The following C8orf34 variants were observed in gnomAD, a reference collection of about 807,000 sequenced individuals.
C8orf34 encodes uncharacterized protein C8orf34.
Under a neutral mutation model 68.3 loss-of-function variants are expected in C8orf34, and 65 were observed. The observed-to-expected ratio is 0.95, with a 90% CI of 0.78 to 1.17. The LOEUF is 1.17. C8orf34 is among the 50% of genes most tolerant of loss of function. The pLI is 0.00. For synonymous variants in C8orf34, 244 were observed against 241.2 expected, an observed-to-expected ratio of 1.01 and a Z score of -0.11; for missense variants, 664 against 655.4, an observed-to-expected ratio of 1.01 and a Z score of -0.14.
chr8:68,650,532 T>A (rs1230242923), intron 8 of C8orf34, among the ~76,000 whole-genome samples: 3 of 140,710 alleles, frequency 2.1e-5, no homozygotes, highest in Admixed American at 1.5e-4. Context: ...CAGGCTGGAG[T>A]GCAGTGGCAG....
At chr8:68,704,430 G>A (rs1272144630) in intron 8 of C8orf34, among the ~76,000 whole-genome samples, 1 of 152,092 alleles carries the variant, frequency 6.6e-6, no homozygotes, top group African/African-American at 2.4e-5. Flanking sequence ...GGAGTTTATG[G>A]AGTATAAAAT....
Position 68,731,584 on chromosome 8 carries a change from G to A in C8orf34, c.1404+10147G>A, listed in dbSNP as rs1001276331. Reference sequence around the variant, plus strand: ...TTCTTTAATTTACATTATATCATAAGCATATTCTTTTTTCCCACTATGGTT... The same window carrying A: ...TTCTTTAATTTACATTATATCATAAACATATTCTTTTTTCCCACTATGGTT... On this transcript the variant is annotated intron_variant, in intron 10 of 13. Transcript: ENST00000518698. Among the ~76,000 whole-genome samples, 2 of 151,792 alleles carry A rather than the reference G, an allele frequency of 1.3e-5. 1 individual carries two copies. The highest frequency in any genetic ancestry group is 2.9e-5 in the Non-Finnish European group (2 of 67,978).
At chr8:68,703,284 T>G (rs1186039114) in intron 8 of C8orf34, among the ~76,000 whole-genome samples, 1 of 152,154 alleles carries the variant, frequency 6.6e-6, no homozygotes, top group Non-Finnish European at 1.5e-5. Flanking sequence ...ACACAAACCT[T>G]GGAACAGAAT....
intron 9 of C8orf34, among the ~76,000 whole-genome samples, chr8:68,710,968 C>A (rs1821314493): frequency 6.6e-6 from 1 of 152,172 alleles, no homozygotes; most frequent in Non-Finnish European, 1.5e-5. Flanking sequence ...AGCTGCAAGA[C>A]CTGAAGACTG....
At chr8:68,694,583 G>T (rs2130916221) in intron 8 of C8orf34, among the ~76,000 whole-genome samples, 1 of 152,026 alleles carries the variant, frequency 6.6e-6, no homozygotes, top group East Asian at 1.9e-4. Context: ...GTCACAATAA[G>T]AAAATGTTGA....
At chr8:68,388,630 C>A (rs1010845693) in intron 1 of C8orf34, among the ~76,000 whole-genome samples, 1 of 151,830 alleles carries the variant, frequency 6.6e-6, no homozygotes, top group Non-Finnish European at 1.5e-5. Context: ...GAGAAATGAA[C>A]AAGTGGATAT....
intron 1 of C8orf34, among the ~76,000 whole-genome samples, chr8:68,372,204 T>A (rs1807590192): frequency 6.6e-6 from 1 of 152,162 alleles, no homozygotes; most frequent in Non-Finnish European, 1.5e-5. Flanking sequence ...AAACCACATT[T>A]GGTAGTTCAA....
intron 7 of C8orf34, among the ~76,000 whole-genome samples, chr8:68,557,413 TACA>T: frequency 6.6e-6 from 1 of 152,236 alleles, no homozygotes; most frequent in Non-Finnish European, 1.5e-5. Context: ...AATAAACTCT[TACA>T]AATTGCTTCC....
intron 10 of C8orf34, among the ~76,000 whole-genome samples, chr8:68,759,168 C>G (rs1390160333): frequency 6.6e-6 from 1 of 152,032 alleles, no homozygotes; most frequent in Non-Finnish European, 1.5e-5. Context: ...ACATGTATAT[C>G]CAAGTCACAT....
intron 10 of C8orf34, among the ~76,000 whole-genome samples, chr8:68,773,873 C>T (rs1428949485): frequency 6.6e-6 from 1 of 152,084 alleles, no homozygotes; most frequent in Non-Finnish European, 1.5e-5. Context: ...TGTCAAGAAG[C>T]TTGCTTTATT....
At chr8:68,700,442 CT>C (rs1820979285) in intron 8 of C8orf34, among the ~76,000 whole-genome samples, 1 of 152,074 alleles carries the variant, frequency 6.6e-6, no homozygotes, top group Admixed American at 6.6e-5. Context: ...TGCTGAAGAA[CT>C]GGGACTTGGG....
At chr8:68,537,992 C>T (rs188973252) in intron 7 of C8orf34, among the ~76,000 whole-genome samples, 8 of 152,120 alleles carry the variant, frequency 5.3e-5, no homozygotes, top group South Asian at 2.1e-4. Context: ...GTAGAATAAA[C>T]GTCAATAGTT....
At chr8:68,575,240 AATTAT>A (rs1258073620) in intron 7 of C8orf34, among the ~76,000 whole-genome samples, 9 of 152,106 alleles carry the variant, frequency 5.9e-5, no homozygotes, top group African/African-American at 2.2e-4. Flanking sequence ...ATTCTGGGTG[AATTAT>A]ATTAAAACGC....
intron 12 of C8orf34, among the ~76,000 whole-genome samples, chr8:68,788,723 G>A (rs1188492826): frequency 6.6e-6 from 1 of 152,086 alleles, no homozygotes; most frequent in African/African-American, 2.4e-5. Flanking sequence ...GCTGGCCATG[G>A]TGGTGCTCAC....
chr8:68,415,458 C>T (rs1809625374), intron 1 of C8orf34, among the ~76,000 whole-genome samples: 1 of 151,196 alleles, frequency 6.6e-6, no homozygotes, highest in Non-Finnish European at 1.5e-5. Context: ...CCAGCCTGGG[C>T]AACGAGAGTG....
At chr8:68,679,405 C>A (rs1314205835) in intron 8 of C8orf34, among the ~76,000 whole-genome samples, 1 of 151,890 alleles carries the variant, frequency 6.6e-6, no homozygotes. Context: ...AACTATAAAA[C>A]ACTGATGAAA....
chr8:68,399,263 G>T (rs971362432), intron 1 of C8orf34, among the ~76,000 whole-genome samples: 2 of 151,998 alleles, frequency 1.3e-5, no homozygotes, highest in African/African-American at 4.8e-5. Flanking sequence ...TCTGTCACCA[G>T]AACAGCATAC....
intron 10 of C8orf34, among the ~76,000 whole-genome samples, chr8:68,757,388 G>A (rs1450924133): frequency 1.3e-5 from 2 of 152,152 alleles, no homozygotes; most frequent in Non-Finnish European, 2.9e-5. Context: ...CCAGCACTTT[G>A]GGAGGCTGAG....
At chr8:68,427,519 G>A (rs1810277950) in intron 1 of C8orf34, among the ~76,000 whole-genome samples, 1 of 152,142 alleles carries the variant, frequency 6.6e-6, no homozygotes, top group Admixed American at 6.5e-5. Flanking sequence ...GAATAGAGTA[G>A]CAGTTGCTAG....
Sources: gnomAD v4.1 joint callset for allele counts (sites outside exome capture counted in the v4.1 genomes callset) on GRCh38, gnomAD v4.1.1 for gene constraint, MANE v1.5 for transcripts, NCBI Gene and HGNC (gene_info 2026-07-23, HGNC 2026-07-21) for gene names.